ESRP1: variants seen among roughly 807,000 people sequenced by gnomAD.
ESRP1 encodes epithelial splicing regulatory protein 1.
In ESRP1, 33 loss-of-function variants were observed where a neutral mutation model predicts 81.7. The ratio of observed to expected loss-of-function variants is 0.40; its 90% confidence interval spans 0.31 to 0.54. The LOEUF (loss-of-function observed/expected upper bound fraction) is 0.54, where lower values mean the gene tolerates loss of function less well. Ranked by LOEUF, ESRP1 falls within the 20% of genes least tolerant of loss-of-function variation. The pLI is 0.41. For synonymous variants in ESRP1, 320 were observed against 303.3 expected, an observed-to-expected ratio of 1.06 and a Z score of -0.57; for missense variants, 672 against 833.1, an observed-to-expected ratio of 0.81 and a Z score of 2.38.
intron 15 of ESRP1, among the ~76,000 whole-genome samples, chr8:94,703,832 G>A (rs1174214320): frequency 6.6e-6 from 1 of 152,206 alleles, no homozygotes; most frequent in Admixed American, 6.5e-5. Flanking sequence ...GTTTGGCTCA[G>A]TGGTAAAACT....
rs116527939 is a variant in ESRP1 at position 94,687,169 on chromosome 8, C to A, written c.1821-5508C>A. On this transcript the variant is annotated intron_variant, in intron 13 of 15. Coordinates refer to ENST00000433389, the MANE Select transcript of ESRP1 (RefSeq NM_017697.4). ...GCCTGTCCTCTATCTCTTCACTGAC[C>A]CCTCTCCCCACCCCTAAACAACTAT... is the stretch of plus-strand genomic sequence containing the variant. Among the ~76,000 whole-genome samples the A allele has an allele frequency of 9.4e-3, 1,425 of 152,192 alleles. 21 individuals are homozygous for A. Among genetic ancestry groups the A allele is most frequent in the African/African-American group, 0.032 (1,337 of 41,514 alleles).
Position 94,696,759 on chromosome 8 carries a change from A to G in ESRP1, c.1972-93A>G, listed in dbSNP as rs990522388. On this transcript the variant is annotated intron_variant, in intron 14 of 15. Coordinates refer to ENST00000433389, the MANE Select transcript of ESRP1 (RefSeq NM_017697.4). ...TTGTTTCCTCCTATCTAAATGTCCTATACTTTTGTTGGTAGATCTATTTAG... is the reference window on the plus strand; with the variant it reads ...TTGTTTCCTCCTATCTAAATGTCCTGTACTTTTGTTGGTAGATCTATTTAG... 6.3e-6 allele frequency: 6 copies of G among 947,398 alleles called. No homozygotes were observed. In the Admixed American group the frequency reaches 7.8e-5, roughly 12 times the overall value. The allele number at this position is 947,398 out of a possible 1,614,324, so 58.7% of individuals were successfully genotyped here.
At position 94,646,301 on chromosome 8, in the gene ESRP1, C is replaced by T. The variant is rs1817848216; in HGVS notation, c.490+19C>T. On this transcript the variant is annotated intron_variant, in intron 4 of 15. Coordinates refer to ENST00000433389, the MANE Select transcript of ESRP1 (RefSeq NM_017697.4). Reference sequence around the variant, plus strand: ...ACAGAGTGTATCCTTTAAATCATTACTCAAGAATCATTTGAAAAGATAGTT... The same window carrying T: ...ACAGAGTGTATCCTTTAAATCATTATTCAAGAATCATTTGAAAAGATAGTT... 1.5e-6 allele frequency: 2 copies of T among 1,364,548 alleles called. No individual in the cohort carries two copies. The highest frequency in any genetic ancestry group is 1.4e-5 in the African/African-American group (1 of 69,064). 84.5% of individuals were successfully genotyped at this position (1,364,548 alleles called of 1,614,324 possible).
chr8:94,653,055 T>C (rs1170720366), intron 4 of ESRP1, among the ~76,000 whole-genome samples: 1 of 152,200 alleles, frequency 6.6e-6, no homozygotes, highest in Non-Finnish European at 1.5e-5. Flanking sequence ...TTGTAAAATA[T>C]GTATTCCATG....
intron 13 of ESRP1, among the ~76,000 whole-genome samples, chr8:94,689,811 CTTTTTTTTTTT>C (rs58359551): frequency 1.6e-3 from 105 of 64,654 alleles, no homozygotes; most frequent in Admixed American, 2.7e-3. Context: ...TGATGCCTGG[CTTTTTTTTTTT>C]TTTTTTTTTT....
At chr8:94,694,102 A>G (rs1293009962) in intron 14 of ESRP1, among the ~76,000 whole-genome samples, 1 of 152,236 alleles carries the variant, frequency 6.6e-6, no homozygotes, top group Non-Finnish European at 1.5e-5. Flanking sequence ...AAGGTTGCTT[A>G]TTATGGAGAA....
intron 15 of ESRP1, among the ~76,000 whole-genome samples, chr8:94,701,942 G>A (rs774628840): frequency 3.3e-5 from 5 of 152,170 alleles, no homozygotes; most frequent in African/African-American, 4.8e-5. Flanking sequence ...GCCAGGTGTC[G>A]TCATGCATGC....
chr8:94,699,479 G>GA (rs201301110), intron 15 of ESRP1, among the ~76,000 whole-genome samples: 7 of 151,380 alleles, frequency 4.6e-5, no homozygotes, highest in Non-Finnish European at 8.9e-5. Flanking sequence ...CTGTCACTAC[G>GA]AAAAAAAATA....
chr8:94,693,736 G>C (rs890469820), intron 14 of ESRP1, among the ~76,000 whole-genome samples: 2 of 152,142 alleles, frequency 1.3e-5, no homozygotes, highest in Non-Finnish European at 2.9e-5. Flanking sequence ...CATTACAAGG[G>C]TTGTGTCTGT....
intron 4 of ESRP1, among the ~76,000 whole-genome samples, chr8:94,650,829 A>G (rs1818087427): frequency 6.6e-6 from 1 of 152,020 alleles, no homozygotes; most frequent in African/African-American, 2.4e-5. Context: ...CTCCTGCCTC[A>G]GCCTCCCGAG....
chr8:94,692,943 A>G, intron 14 of ESRP1, 116 bp downstream of exon 14: 1 of 1,125,350 alleles, frequency 8.9e-7, no homozygotes, highest in African/African-American at 1.6e-5. Context: ...TATATATGCT[A>G]ATGGATTTGC....
intron 15 of ESRP1, among the ~76,000 whole-genome samples, chr8:94,701,075 C>T (rs1002688469): frequency 6.6e-6 from 1 of 151,164 alleles, no homozygotes; most frequent in Non-Finnish European, 1.5e-5. Flanking sequence ...GAGTTCGAGA[C>T]CAGTCTGGCC....
intron 12 of ESRP1, 104 bp downstream of exon 12, chr8:94,674,610 A>C: frequency 1.9e-6 from 2 of 1,060,938 alleles, no homozygotes; most frequent in Non-Finnish European, 2.7e-6. Context: ...GAGGCAGGTG[A>C]GGTGGTTATA....
At chr8:94,697,533 C>T (rs1809652873) in intron 15 of ESRP1, among the ~76,000 whole-genome samples, 1 of 152,172 alleles carries the variant, frequency 6.6e-6, no homozygotes, top group African/African-American at 2.4e-5. Context: ...CGTGTTAATG[C>T]TTCATTTGTT....
intron 2 of ESRP1, 27 bp downstream of exon 2, chr8:94,642,111 C>T (rs2130518361): frequency 6.2e-7 from 1 of 1,604,556 alleles, no homozygotes. Context: ...ACGCCACCCA[C>T]CCCAGCCTGG....
intron 6 of ESRP1, among the ~76,000 whole-genome samples, chr8:94,663,326 A>G (rs1007978155): frequency 6.6e-6 from 1 of 151,944 alleles, no homozygotes; most frequent in Non-Finnish European, 1.5e-5. Context: ...GCTCACTGCA[A>G]CCTCCGCCTC....
intron 13 of ESRP1, among the ~76,000 whole-genome samples, chr8:94,691,684 G>C: frequency 6.6e-6 from 1 of 152,088 alleles, no homozygotes; most frequent in East Asian, 1.9e-4. Context: ...TAATCTCAAA[G>C]ACTTTTAGTC....
intron 11 of ESRP1, among the ~76,000 whole-genome samples, chr8:94,673,237 T>C (rs1227853256): frequency 6.6e-6 from 1 of 152,234 alleles, no homozygotes; most frequent in Non-Finnish European, 1.5e-5. Context: ...TCTTATTGAG[T>C]CACCACTTCT....
intron 12 of ESRP1, among the ~76,000 whole-genome samples, chr8:94,675,860 T>A (rs2130654309): frequency 6.6e-6 from 1 of 152,328 alleles, no homozygotes; most frequent in Non-Finnish European, 1.5e-5. Context: ...CCAGGTACAG[T>A]GATTCACACC....
Sources: gnomAD v4.1 joint callset for allele counts (sites outside exome capture counted in the v4.1 genomes callset) on GRCh38, gnomAD v4.1.1 for gene constraint, MANE v1.5 for transcripts, NCBI Gene and HGNC (gene_info 2026-07-23, HGNC 2026-07-21) for gene names.